The following SIPA1L3 variants were observed in gnomAD, a reference collection of about 807,000 sequenced individuals.
The protein encoded by SIPA1L3 is signal induced proliferation associated 1 like 3.
In SIPA1L3, 59 loss-of-function variants were observed where a neutral mutation model predicts 150.1. That is an observed-to-expected ratio of 0.39 (90% CI 0.32 to 0.49). The LOEUF is 0.49. SIPA1L3 is among the 20% of genes least tolerant of loss of function. SIPA1L3 has a pLI of 0.86. For missense variants in SIPA1L3, 2,211 were observed against 2,489.5 expected (o/e 0.89, Z 2.38); for synonymous variants, 1,070 against 1,077.6 (o/e 0.99, Z 0.14).
intron 5 of SIPA1L3, among the ~76,000 whole-genome samples, chr19:38,100,514 C>G (rs1289232872): frequency 6.6e-6 from 1 of 152,194 alleles, no homozygotes; most frequent in African/African-American, 2.4e-5. Flanking sequence ...ATTACAGCCA[C>G]ATGCAGACCC....
intron 2 of SIPA1L3, among the ~76,000 whole-genome samples, chr19:38,078,149 C>T (rs903236220): frequency 6.6e-6 from 1 of 152,102 alleles, no homozygotes; most frequent in Non-Finnish European, 1.5e-5. Flanking sequence ...TTAGGCAACT[C>T]GACCCTGAGG....
chr19:38,195,795 C>G (rs866917107), intron 18 of SIPA1L3, among the ~76,000 whole-genome samples: 1 of 102,322 alleles, frequency 9.8e-6, no homozygotes, highest in Non-Finnish European at 1.9e-5. Flanking sequence ...AGGCCCCGTC[C>G]CCCCCCGCCC....
chr19:38,188,961 C>T (rs1201071807), intron 16 of SIPA1L3, among the ~76,000 whole-genome samples: 1 of 151,938 alleles, frequency 6.6e-6, no homozygotes, highest in Admixed American at 6.6e-5. Flanking sequence ...TTCCCTGGCC[C>T]TCAGCCATCC....
At position 38,198,536 on chromosome 19, in the gene SIPA1L3, G is replaced by A. The variant is rs112140747; in HGVS notation, c.4984+4G>A. ...AACGCAGCCAAGGCATACGAAGGTAGGCGCCTTCCACCCAGTCCCGCCAGG... is the reference window on the plus strand; with the variant it reads ...AACGCAGCCAAGGCATACGAAGGTAAGCGCCTTCCACCCAGTCCCGCCAGG... On this transcript the variant is annotated splice_donor_region_variant and intron_variant, in intron 19 of 21. Coordinates refer to ENST00000222345, the MANE Select transcript of SIPA1L3 (RefSeq NM_015073.3). The A allele has an allele frequency of 3.0e-4, 455 of 1,540,460 alleles. 3 individuals are homozygous for A. In the African/African-American group the frequency reaches 5.8e-3, roughly 20 times the overall value.
chr19:38,136,921 A>G (rs1971448431), intron 10 of SIPA1L3, among the ~76,000 whole-genome samples: 1 of 152,208 alleles, frequency 6.6e-6, no homozygotes, highest in South Asian at 2.1e-4. Context: ...TTTGTGGGAA[A>G]AGCAGGTAAA....
intron 1 of SIPA1L3, among the ~76,000 whole-genome samples, chr19:37,952,071 G>A (rs1020831496): frequency 1.3e-5 from 2 of 151,456 alleles, no homozygotes; most frequent in Admixed American, 1.3e-4. Flanking sequence ...ATTAAGACAG[G>A]TCTTTCTCTG....
chr19:37,993,413 C>G (rs940044390), intron 1 of SIPA1L3, among the ~76,000 whole-genome samples: 1 of 152,178 alleles, frequency 6.6e-6, no homozygotes, highest in African/African-American at 2.4e-5. Context: ...CTCACTGCAA[C>G]CTCCGCCTCC....
chr19:38,092,920 C>A (rs367629417), intron 4 of SIPA1L3, among the ~76,000 whole-genome samples: 1 of 144,030 alleles, frequency 6.9e-6, no homozygotes, highest in Non-Finnish European at 1.5e-5. Context: ...AGGGCAGTGG[C>A]GTGATCTCTG....
chr19:38,082,444 C>T lies in SIPA1L3; in HGVS notation c.879C>T (p.Gly293=), dbSNP rs746083617. Residue 293 remains glycine (G), a synonymous_variant, in exon 3 of 22, where the codon GGC becomes GGT. Coordinates refer to ENST00000222345, the MANE Select transcript of SIPA1L3 (RefSeq NM_015073.3). Reference sequence around the variant, plus strand: ...AGAAACCTGCGCGGGGCCTCGGCGGCGGGGACACGGTGGACTCGTCCATCT... The same window carrying T: ...AGAAACCTGCGCGGGGCCTCGGCGGTGGGGACACGGTGGACTCGTCCATCT... ...ARKKPARGLG[G]GDTVDSSIFR... The T allele has an allele frequency of 1.2e-4, 195 of 1,589,388 alleles. No homozygotes were observed. Among genetic ancestry groups the T allele is most frequent in the Middle Eastern group, 1.7e-4 (1 of 5,976 alleles).
At chr19:38,132,584 CAAAA>C in intron 10 of SIPA1L3, among the ~76,000 whole-genome samples, 1 of 108,526 alleles carries the variant, frequency 9.2e-6, no homozygotes, top group Non-Finnish European at 1.9e-5. Context: ...AGCTACGTCT[CAAAA>C]AAAAAAAAAA....
intron 1 of SIPA1L3, among the ~76,000 whole-genome samples, chr19:37,998,260 C>A (rs756399440): frequency 6.6e-6 from 1 of 152,208 alleles, no homozygotes; most frequent in Non-Finnish European, 1.5e-5. Context: ...TACTCTGTTA[C>A]TGCAGGCTGA....
intron 1 of SIPA1L3, among the ~76,000 whole-genome samples, chr19:38,016,953 G>A (rs1418928275): frequency 1.6e-5 from 2 of 128,942 alleles, no homozygotes; most frequent in Non-Finnish European, 3.1e-5. Context: ...CTGGAGTGCA[G>A]TGGCGTGATC....
At chr19:37,931,622 C>T (rs990434124) in intron 1 of SIPA1L3, among the ~76,000 whole-genome samples, 1 of 151,398 alleles carries the variant, frequency 6.6e-6, no homozygotes, top group Non-Finnish European at 1.5e-5. Context: ...TGATGGTGCA[C>T]GCCTGTAATC....
At chr19:38,079,410 G>A (rs2145817454) in intron 2 of SIPA1L3, among the ~76,000 whole-genome samples, 1 of 152,320 alleles carries the variant, frequency 6.6e-6, no homozygotes. Context: ...TTTGAGTGGT[G>A]GACCTAGCCA....
At chr19:37,936,470 T>C (rs1226764336) in intron 1 of SIPA1L3, among the ~76,000 whole-genome samples, 2 of 152,216 alleles carry the variant, frequency 1.3e-5, no homozygotes, top group African/African-American at 2.4e-5. Flanking sequence ...GACCAGATCA[T>C]TGCTGAGCTC....
At chr19:38,176,292 C>T (rs1051034321) in intron 15 of SIPA1L3, among the ~76,000 whole-genome samples, 9 of 151,952 alleles carry the variant, frequency 5.9e-5, no homozygotes, top group African/African-American at 2.2e-4. Context: ...GGATTACAGG[C>T]GTAAGCCACT....
chr19:38,095,794 C>T (rs12982234), intron 4 of SIPA1L3, among the ~76,000 whole-genome samples: 4,853 of 152,134 alleles, frequency 0.032, 93 homozygotes, highest in Non-Finnish European at 0.04. Context: ...TAGTGCGCGC[C>T]GATGAGGTGG....
At chr19:38,049,649 G>T (rs1025462359) in intron 2 of SIPA1L3, among the ~76,000 whole-genome samples, 4 of 152,100 alleles carry the variant, frequency 2.6e-5, no homozygotes, top group African/African-American at 9.7e-5. Context: ...CCCAGGGGTG[G>T]GATTAAGGCA....
rs1340513600 is a variant in SIPA1L3 at position 38,206,200 on chromosome 19, A to G, written c.5306A>G (p.Lys1769Arg). 2 of 1,561,570 alleles carry G rather than the reference A, an allele frequency of 1.3e-6. No homozygotes were observed. The highest frequency in any genetic ancestry group is 4.8e-5 in the East Asian group (2 of 41,508). Residue 1769 changes from lysine (K) to arginine (R), a missense_variant, in exon 22 of 22, where the codon AAG becomes AGG. Lys to Arg is a conservative substitution (Grantham distance 26, BLOSUM62 2). Coordinates refer to ENST00000222345, the MANE Select transcript of SIPA1L3 (RefSeq NM_015073.3). ...CAGGCCGCCAGCGAGCAGCTGCGCA[A>G]GTTTGCGGAGATCTTCTGCAGGGAG... is the stretch of plus-strand genomic sequence containing the variant. ...ESQAASEQLR[K>R]FAEIFCREKK...
Sources: gnomAD v4.1 joint callset for allele counts (sites outside exome capture counted in the v4.1 genomes callset) on GRCh38, gnomAD v4.1.1 for gene constraint, MANE v1.5 for transcripts, NCBI Gene and HGNC (gene_info 2026-07-23, HGNC 2026-07-21) for gene names.